Variants in DNAJC1 observed in about 807,000 individuals in gnomAD.
The protein encoded by DNAJC1 is dnaJ homolog subfamily C member 1.
A neutral mutation model predicts 76.6 loss-of-function variants in DNAJC1; 58 were observed. The ratio of observed to expected loss-of-function variants is 0.76; its 90% CI spans 0.61 to 0.94. The LOEUF is 0.94. Ranked by LOEUF, DNAJC1 falls within the 40% of genes least tolerant of loss-of-function variation. The pLI is 0.00. For missense variants in DNAJC1, 689 were observed against 677.3 expected (o/e 1.02, Z -0.19); for synonymous variants, 258 against 267.9 (o/e 0.96, Z 0.36).
chr10:21,858,709 C>T (rs923939304), intron 8 of DNAJC1, among the ~76,000 whole-genome samples: 2 of 152,026 alleles, frequency 1.3e-5, no homozygotes, highest in Non-Finnish European at 1.5e-5. Flanking sequence ...AGAGAGATAA[C>T]GAGAACAGGA....
chr10:21,828,788 C>A (rs957171412), intron 8 of DNAJC1, among the ~76,000 whole-genome samples: 3 of 152,090 alleles, frequency 2.0e-5, no homozygotes, highest in Admixed American at 1.3e-4. Context: ...ATATGCAATA[C>A]TGACCTACAC....
chr10:21,911,271 G>A (rs994186118), intron 6 of DNAJC1, among the ~76,000 whole-genome samples: 11 of 152,068 alleles, frequency 7.2e-5, no homozygotes, highest in African/African-American at 1.2e-4. Flanking sequence ...CTTCTCTTTC[G>A]TTTGAGGCTT....
intron 1 of DNAJC1, among the ~76,000 whole-genome samples, chr10:21,999,018 T>C (rs1213667198): frequency 6.6e-6 from 1 of 152,258 alleles, no homozygotes; most frequent in East Asian, 1.9e-4. Flanking sequence ...ATTCAGATTA[T>C]AGAGCTTAGA....
chr10:21,956,651 A>G (rs1837688978), intron 1 of DNAJC1, among the ~76,000 whole-genome samples: 1 of 151,384 alleles, frequency 6.6e-6, no homozygotes, highest in Admixed American at 6.6e-5. Flanking sequence ...TCCCATTACC[A>G]CAATGGGCCA....
intron 8 of DNAJC1, among the ~76,000 whole-genome samples, chr10:21,874,006 T>C (rs1014921730): frequency 6.6e-6 from 1 of 152,240 alleles, no homozygotes; most frequent in African/African-American, 2.4e-5. Flanking sequence ...AGACTTGTAT[T>C]AGAATGTTCA....
chr10:21,910,902 G>A (rs949200202), intron 6 of DNAJC1, among the ~76,000 whole-genome samples: 11 of 140,920 alleles, frequency 7.8e-5, no homozygotes, highest in African/African-American at 2.9e-4. Flanking sequence ...AGGAAGGAAA[G>A]AAAAGGAAGA....
rs184558355 is a variant in DNAJC1 at position 21,944,800 on chromosome 10, T to C, written c.223-15659A>G. Among the ~76,000 whole-genome samples the C allele has an allele frequency of 2.2e-3, 342 of 152,292 alleles. 3 individuals carry two copies. The highest frequency in any genetic ancestry group is 7.8e-3 in the African/African-American group (325 of 41,566). The stretch of plus-strand genomic sequence containing the variant: ...AAAAATAAACAGGAAAGAAAAAATG[T>C]TGTGAGAACTTTTGATGAATTAGAT... On this transcript the variant is annotated intron_variant, in intron 1 of 11. Coordinates refer to ENST00000376980, the MANE Select transcript of DNAJC1 (RefSeq NM_022365.4).
At chr10:21,858,620 C>A (rs914796642) in intron 8 of DNAJC1, among the ~76,000 whole-genome samples, 16 of 152,156 alleles carry the variant, frequency 1.1e-4, no homozygotes, top group African/African-American at 3.6e-4. Flanking sequence ...CTTATGAAAT[C>A]TGACAAGGGC....
chr10:21,817,951 T>C (rs891743873), intron 8 of DNAJC1, among the ~76,000 whole-genome samples: 6 of 152,166 alleles, frequency 3.9e-5, no homozygotes, highest in African/African-American at 9.7e-5. Context: ...CATGTGATGA[T>C]TGCGTTAACT....
intron 3 of DNAJC1, 91 bp downstream of exon 3, chr10:21,928,415 T>C: frequency 8.7e-7 from 1 of 1,145,830 alleles, no homozygotes; most frequent in Non-Finnish European, 1.3e-6. Context: ...AATGCTAACA[T>C]AATAATAAAA....
chr10:21,840,535 C>A (rs1195189441), intron 8 of DNAJC1, among the ~76,000 whole-genome samples: 1 of 152,098 alleles, frequency 6.6e-6, no homozygotes, highest in Non-Finnish European at 1.5e-5. Context: ...CCTAGGAATC[C>A]AACTTACAAG....
chr10:21,965,203 T>C (rs886446436), intron 1 of DNAJC1, among the ~76,000 whole-genome samples: 4 of 152,204 alleles, frequency 2.6e-5, no homozygotes, highest in Non-Finnish European at 5.9e-5. Context: ...AGATAATTTT[T>C]TCTGTTTTCT....
At chr10:21,914,035 A>G (rs1375322652) in intron 6 of DNAJC1, among the ~76,000 whole-genome samples, 1 of 152,118 alleles carries the variant, frequency 6.6e-6, no homozygotes, top group Non-Finnish European at 1.5e-5. Context: ...CCTTCCATTC[A>G]TTCATCAATT....
At chr10:21,835,074 C>T (rs1376569169) in intron 8 of DNAJC1, among the ~76,000 whole-genome samples, 2 of 152,168 alleles carry the variant, frequency 1.3e-5, no homozygotes, top group East Asian at 1.9e-4. Context: ...GGGAGGCACC[C>T]CCCAGTAGGG....
chr10:21,782,759 A>G (rs1171562954), intron 9 of DNAJC1, among the ~76,000 whole-genome samples: 1 of 152,242 alleles, frequency 6.6e-6, no homozygotes, highest in Non-Finnish European at 1.5e-5. Context: ...ATGCAAATCA[A>G]TAAACGTAAT....
intron 9 of DNAJC1, among the ~76,000 whole-genome samples, chr10:21,782,648 C>T (rs531357323): frequency 1.3e-5 from 2 of 152,242 alleles, no homozygotes; most frequent in Non-Finnish European, 2.9e-5. Context: ...TGCAAAAATC[C>T]TCAACAAGAT....
At chr10:21,893,813 A>G (rs1836495086) in intron 7 of DNAJC1, among the ~76,000 whole-genome samples, 1 of 151,846 alleles carries the variant, frequency 6.6e-6, no homozygotes, top group African/African-American at 2.4e-5. Flanking sequence ...GAAGGAAGGA[A>G]GTAATAAAAA....
At chr10:21,961,048 A>C (rs1478419656) in intron 1 of DNAJC1, among the ~76,000 whole-genome samples, 1 of 152,212 alleles carries the variant, frequency 6.6e-6, no homozygotes, top group Non-Finnish European at 1.5e-5. Context: ...TCACAACTAC[A>C]ATCATTATAA....
Position 21,889,421 on chromosome 10 carries a change from A to G in DNAJC1, c.821-6982T>C, listed in dbSNP as rs542653945. Reference sequence around the variant, plus strand: ...AGCACAGATCCCAACCATATGAGATATTAATATAAAACTTCCATTTCAGAA... The same window carrying G: ...AGCACAGATCCCAACCATATGAGATGTTAATATAAAACTTCCATTTCAGAA... On this transcript the variant is annotated intron_variant, in intron 7 of 11. Transcript: ENST00000376980. Among the ~76,000 whole-genome samples, 9 of 152,358 alleles carry G rather than the reference A, an allele frequency of 5.9e-5. No homozygotes were observed. The East Asian group carries it at 1.3e-3, about 23-fold the overall frequency.
Sources: gnomAD v4.1 joint callset for allele counts (sites outside exome capture counted in the v4.1 genomes callset) on GRCh38, gnomAD v4.1.1 for gene constraint, MANE v1.5 for transcripts, NCBI Gene and HGNC (gene_info 2026-07-23, HGNC 2026-07-21) for gene names.